SOX15: variants seen among roughly 807,000 people sequenced by gnomAD.
SOX15 encodes the protein transcription factor SOX-15.
Under a neutral mutation model 15.9 loss-of-function variants are expected in SOX15, and 12 were observed. That is an observed-to-expected ratio of 0.75 (90% CI 0.48 to 1.22). SOX15 has a LOEUF of 1.22. Ranked by LOEUF, SOX15 falls within the 50% of genes most tolerant of loss-of-function variation. The probability of loss-of-function intolerance (pLI) is 0.00; values close to 1 mark genes in which losing one functional copy is unlikely to be tolerated. For missense variants in SOX15, 309 were observed against 313.9 expected, an observed-to-expected ratio of 0.98 and a Z score of 0.12; for synonymous variants, 149 against 142.8, an observed-to-expected ratio of 1.04 and a Z score of -0.31.
chr17:7,588,577 C>T, intron 1 of SOX15, 31 bp from the exon 2 acceptor site: 1 of 1,609,780 alleles, frequency 6.2e-7, no homozygotes, highest in Non-Finnish European at 8.5e-7. Context: ...TTAGAGGGCA[C>T]TTCCCTGGGT....
rs1567745732 is a variant in SOX15 at position 7,589,443 on chromosome 17, C to G, written c.234G>C (p.Glu78Asp). The G allele has an allele frequency of 6.2e-7, 1 of 1,613,936 alleles. No homozygotes were observed. Among genetic ancestry groups the G allele is most frequent in the Non-Finnish European group, 8.5e-7 (1 of 1,179,930 alleles). Residue 78 changes from glutamate (E) to aspartate (D), a missense_variant, in exon 1 of 2, where the codon GAG becomes GAC. Physicochemically the swap from Glu to Asp is conservative, Grantham distance 45 (BLOSUM62 2). Coordinates refer to ENST00000250055, the MANE Select transcript of SOX15 (RefSeq NM_006942.2). ...AQQNPKMHNS[E>D]ISKRLGAQWK... is the part of the protein sequence containing the mutation. Reference sequence around the variant, plus strand: ...ACTGCGCGCCCAGGCGCTTGGAGATCTCGGAGTTGTGCATCTTGGGGTTCT... The same window carrying G: ...ACTGCGCGCCCAGGCGCTTGGAGATGTCGGAGTTGTGCATCTTGGGGTTCT...
rs372467275 is a variant in SOX15 at position 7,589,521 on chromosome 17, C to T, written c.156G>A (p.Pro52=). 6.2e-7 allele frequency: 1 copy of T among 1,611,512 alleles called. No homozygotes were observed. The highest frequency in any genetic ancestry group is 1.1e-5 in the South Asian group (1 of 90,904). The change falls in exon 1 of 2, where the codon CCG becomes CCA. Residue 52 remains proline, a synonymous_variant. Coordinates refer to ENST00000250055, the MANE Select transcript of SOX15 (RefSeq NM_006942.2). ...AGCTCCACACCATGAACGCGTTCAT[C>T]GGCCGCTTCACCTTCTCCAGGGGCA... ...GTLPLEKVKR[P]MNAFMVWSSA... is the part of the protein sequence containing the mutation.
chr17:7,589,305 G>A lies in SOX15; in HGVS notation c.372C>T (p.Ala124=), dbSNP rs1197253170. The A allele has an allele frequency of 6.3e-7, 1 of 1,595,432 alleles. No homozygotes were observed. Among genetic ancestry groups the A allele is most frequent in the East Asian group, 2.3e-5 (1 of 43,878 alleles). The change falls in exon 1 of 2, where the codon GCC becomes GCT. Residue 124 remains alanine (A), a synonymous_variant. Coordinates refer to ENST00000250055, the MANE Select transcript of SOX15 (RefSeq NM_006942.2). The part of the protein sequence containing the change: ...PDYKYRPRRK[A]KSSGAGPSRC... ...GGGAAGGTCCGGCGCCCGAGCTCTT[G>A]GCCTTGCGCCGAGGCCGGTACTTGT...
chr17:7,588,482 G>C lies in SOX15; in HGVS notation c.598C>G (p.Gln200Glu). 8 of 1,613,818 alleles carry C rather than the reference G, an allele frequency of 5.0e-6. No individual in the cohort carries two copies. Among genetic ancestry groups the C allele is most frequent in the Non-Finnish European group, 5.9e-6 (7 of 1,179,838 alleles). The change falls in exon 2 of 2, where the codon CAG becomes GAG. Residue 200 changes from glutamine to glutamate, a missense_variant. By Grantham distance (29) the Gln-to-Glu change is conservative. Coordinates refer to ENST00000250055, the MANE Select transcript of SOX15 (RefSeq NM_006942.2). The part of the protein sequence containing the change: ...CSLPQSDPRL[Q>E]GELLPTYTHY... ...GTATAGGTGGGCAGCAGTTCCCCCT[G>C]GAGCCTAGGGTCACTCTGAGGGAGG...
chr17:7,589,770 T>G lies in SOX15; in HGVS notation c.-94A>C. 7 of 1,186,934 alleles carry G rather than the reference T, an allele frequency of 5.9e-6. No individual in the cohort carries two copies. The highest frequency in any genetic ancestry group is 6.9e-6 in the Non-Finnish European group (6 of 869,320). 73.5% of individuals were successfully genotyped at this position (1,186,934 alleles called of 1,614,324 possible). ...ATGGAAAGGTCTTCCCAGTCTGGAG[T>G]CGTTGCCGAGGAACTTGGGTCCTTA... On this transcript the variant is annotated 5_prime_UTR_variant, in exon 1 of 2. Transcript: ENST00000250055.
In SOX15 at chr17:7,588,288, G is replaced by A. The variant is rs773540461; in HGVS notation, c.*90C>T. On this transcript the variant is annotated 3_prime_UTR_variant, in exon 2 of 2. Coordinates refer to ENST00000250055, the MANE Select transcript of SOX15 (RefSeq NM_006942.2). ...GCTGCCTCTGAACTGTAGTCCAACA[G>A]GAGAAAGGGTTGACAGCCTGGGGTA... 1 of 1,311,406 alleles carries A rather than the reference G, an allele frequency of 7.6e-7. No homozygotes were observed. The highest frequency in any genetic ancestry group is 2.3e-5 in the East Asian group (1 of 43,522). The allele number at this position is 1,311,406 out of a possible 1,614,324, so 81.2% of individuals were successfully genotyped here.
chr17:7,588,920 A>G lies in SOX15; in HGVS notation c.533+224T>C, dbSNP rs552933407. Reference sequence around the variant, plus strand: ...ATCCAGGGGTCAGTCACCTGACCCTACAGGGCCCACCACCTTCAGACTGAG... The same window carrying G: ...ATCCAGGGGTCAGTCACCTGACCCTGCAGGGCCCACCACCTTCAGACTGAG... On this transcript the variant is annotated intron_variant, in intron 1 of 1. Transcript: ENST00000250055. 5 of 591,106 alleles carry G rather than the reference A, an allele frequency of 8.5e-6. No homozygotes were observed. In the East Asian group the frequency reaches 8.6e-5, roughly 10 times the overall value. The allele number at this position is 591,106 out of a possible 1,614,324, so 36.6% of individuals were successfully genotyped here. A position where few individuals can be genotyped will look rare whatever the true frequency, so the allele number is the denominator to read the frequency against.
Position 7,589,172 on chromosome 17 carries a change from A to G in SOX15, c.505T>C (p.Ser169Pro). 1 of 1,510,168 alleles carries G rather than the reference A, an allele frequency of 6.6e-7. No homozygotes were observed. The allele number at this position is 1,510,168 out of a possible 1,614,324, so 93.5% of individuals were successfully genotyped here. A position where few individuals can be genotyped will look rare whatever the true frequency, so the allele number is the denominator to read the frequency against. The change falls in exon 1 of 2, where the codon TCG (serine) becomes CCG (proline). Residue 169 changes from serine to proline, a missense_variant. By Grantham distance (74) the Ser-to-Pro change is moderately conservative. Transcript: ENST00000250055. ...RGFGYRPPSY[S>P]TAYLPGSYGS... The stretch of plus-strand genomic sequence containing the variant: ...TAGCTGCCAGGCAGGTAGGCTGTCG[A>G]GTAGCTGGGGGGTCTGTACCCAAAG...
At position 7,589,686 on chromosome 17, in the gene SOX15, G is replaced by C; in HGVS notation, c.-10C>G. On this transcript the variant is annotated 5_prime_UTR_variant, in exon 1 of 2. Coordinates refer to ENST00000250055, the MANE Select transcript of SOX15 (RefSeq NM_006942.2). ...AGCCTGGTAGCGCCATGGGTTGGGA[G>C]AAGCCTTAAGAGGGCGTCCTGAATG... The C allele has an allele frequency of 6.5e-7, 1 of 1,530,368 alleles. No individual in the cohort carries two copies. The highest frequency in any genetic ancestry group is 8.7e-7 in the Non-Finnish European group (1 of 1,144,082). 94.8% of individuals were successfully genotyped at this position (1,530,368 alleles called of 1,614,324 possible).
In SOX15 at chr17:7,589,596, C is replaced by A. The variant is rs568942272; in HGVS notation, c.81G>T (p.Ser27=). ...PAATAAASSS[S]GPQEREGAGS... is the part of the protein sequence containing the mutation. ...CAGCGCCCTCCCGCTCCTGGGGTCC[C>A]GAAGATGAGGAGGCAGCAGCCGTGG... The change falls in exon 1 of 2, where the codon TCG becomes TCT. Residue 27 remains serine, a synonymous_variant. Transcript: ENST00000250055. 6.4e-7 allele frequency: 1 copy of A among 1,568,692 alleles called. No homozygotes were observed. Among genetic ancestry groups the A allele is most frequent in the East Asian group, 2.4e-5 (1 of 42,500 alleles).
rs2071633698 is a variant in SOX15 at position 7,589,459 on chromosome 17, T to C, written c.218A>G (p.Lys73Arg). The C allele has an allele frequency of 6.2e-7, 1 of 1,613,778 alleles. No homozygotes were observed. The highest frequency in any genetic ancestry group is 1.7e-5 in the Admixed American group (1 of 60,008). ...CTTGGAGATCTCGGAGTTGTGCATC[T>C]TGGGGTTCTGCTGCGCCATCTGGCG... is the stretch of plus-strand genomic sequence containing the variant. ...QRRQMAQQNP[K>R]MHNSEISKRL... Residue 73 changes from lysine (K) to arginine (R), a missense_variant, in exon 1 of 2, where the codon AAG becomes AGG. By Grantham distance (26) the Lys-to-Arg change is conservative. Transcript: ENST00000250055.
chr17:7,589,161 G>A lies in SOX15; in HGVS notation c.516C>T (p.Tyr172=). ...GCACTCACCCATAGCTGCCAGGCAG[G>A]TAGGCTGTCGAGTAGCTGGGGGGTC... is the stretch of plus-strand genomic sequence containing the variant. ...GYRPPSYSTA[Y]LPGSYGSSHC... Residue 172 remains tyrosine (Y), a synonymous_variant, in exon 1 of 2, where the codon TAC becomes TAT. Transcript: ENST00000250055. 2.0e-6 allele frequency: 3 copies of A among 1,501,440 alleles called. No individual in the cohort carries two copies. Among genetic ancestry groups the A allele is most frequent in the Non-Finnish European group, 2.7e-6 (3 of 1,119,418 alleles). The allele number at this position is 1,501,440 out of a possible 1,614,324, so 93.0% of individuals were successfully genotyped here. A position where few individuals can be genotyped will look rare whatever the true frequency, so the allele number is the denominator to read the frequency against.
rs757771831 is a variant in SOX15 at position 7,588,248 on chromosome 17, A to G, written c.*130T>C. ...TGTTGTGCGGCTCTCCCTGGCTATCATGGGAGGACTGCAGGCTGCCTCTGA... is the reference window on the plus strand; with the variant it reads ...TGTTGTGCGGCTCTCCCTGGCTATCGTGGGAGGACTGCAGGCTGCCTCTGA... On this transcript the variant is annotated 3_prime_UTR_variant, in exon 2 of 2. Coordinates refer to ENST00000250055, the MANE Select transcript of SOX15 (RefSeq NM_006942.2). 5 of 890,288 alleles carry G rather than the reference A, an allele frequency of 5.6e-6. No individual in the cohort carries two copies. The South Asian group carries it at 6.6e-5, about 12-fold the overall frequency. The allele number at this position is 890,288 out of a possible 1,614,324, so 55.1% of individuals were successfully genotyped here.
At position 7,589,690 on chromosome 17, in the gene SOX15, C is replaced by G. The variant is rs2071637064; in HGVS notation, c.-14G>C. ...TGGTAGCGCCATGGGTTGGGAGAAG[C>G]CTTAAGAGGGCGTCCTGAATGCCCT... is the stretch of plus-strand genomic sequence containing the variant. On this transcript the variant is annotated 5_prime_UTR_variant, in exon 1 of 2. Coordinates refer to ENST00000250055, the MANE Select transcript of SOX15 (RefSeq NM_006942.2). 2.6e-6 allele frequency: 4 copies of G among 1,521,276 alleles called. No homozygotes were observed. In the East Asian group the frequency reaches 7.4e-5, roughly 28 times the overall value. The allele number at this position is 1,521,276 out of a possible 1,614,324, so 94.2% of individuals were successfully genotyped here.
chr17:7,590,076 T>C lies in SOX15; in HGVS notation c.-400A>G, dbSNP rs575608457. ...GCGGATAGGCCAGACCTCTCCCACC[T>C]GGGCTCAGCGTTTGTGGCAGGCGGG... On this transcript the variant is annotated 5_prime_UTR_variant, in exon 1 of 2. Transcript: ENST00000250055. The C allele has an allele frequency of 6.1e-4, 117 of 192,960 alleles. No homozygotes were observed. Among genetic ancestry groups the C allele is most frequent in the South Asian group, 1.0e-3 (9 of 8,862 alleles). The allele number at this position is 192,960 out of a possible 1,614,324, so 12.0% of individuals were successfully genotyped here. A position where few individuals can be genotyped will look rare whatever the true frequency, so the allele number is the denominator to read the frequency against.
chr17:7,588,335 AAGG>A lies in SOX15; in HGVS notation c.*40_*42del. 1.3e-6 allele frequency: 2 copies of A among 1,597,124 alleles called. No homozygotes were observed. On this transcript the variant is annotated 3_prime_UTR_variant, in exon 2 of 2. Transcript: ENST00000250055. ...GGTAGGGGATGCTGCTGGATTAAAA[AAGG>A]AGGATGAGGCCCGTCCCGTGAGGTC...
chr17:7,589,212 G>A lies in SOX15; in HGVS notation c.465C>T (p.Thr155=), dbSNP rs1004065561. The A allele has an allele frequency of 3.9e-6, 6 of 1,540,356 alleles. No individual in the cohort carries two copies. Among genetic ancestry groups the A allele is most frequent in the Non-Finnish European group, 4.4e-6 (5 of 1,141,440 alleles). Residue 155 remains threonine, a synonymous_variant, in exon 1 of 2, where the codon ACC becomes ACT. Coordinates refer to ENST00000250055, the MANE Select transcript of SOX15 (RefSeq NM_006942.2). ...TGTACCCAAAGCCTCTGCTCGGTTG[G>A]GTGGTCGCGTACCCCGGCCCCCAGA... ...GPLWGPGYAT[T]QPSRGFGYRP...
Position 7,588,352 on chromosome 17 carries a change from T to C in SOX15, c.*26A>G, listed in dbSNP as rs746697063. 1.4e-5 allele frequency: 23 copies of C among 1,610,558 alleles called. No homozygotes were observed. Among genetic ancestry groups the C allele is most frequent in the Non-Finnish European group, 2.0e-5 (23 of 1,177,140 alleles). On this transcript the variant is annotated 3_prime_UTR_variant, in exon 2 of 2. Coordinates refer to ENST00000250055, the MANE Select transcript of SOX15 (RefSeq NM_006942.2). Reference sequence around the variant, plus strand: ...GATTAAAAAAGGAGGATGAGGCCCGTCCCGTGAGGTCTGCGTCCATGAGGG... The same window carrying C: ...GATTAAAAAAGGAGGATGAGGCCCGCCCCGTGAGGTCTGCGTCCATGAGGG...
rs777615121 is a variant in SOX15 at position 7,588,538 on chromosome 17, T to A, written c.542A>T (p.His181Leu). 51 of 1,612,774 alleles carry A rather than the reference T, an allele frequency of 3.2e-5. No individual in the cohort carries two copies. The highest frequency in any genetic ancestry group is 4.3e-5 in the Non-Finnish European group (51 of 1,179,904). ...AYLPGSYGSS[H>L]CKLEAPSPCS... ...CGGTGAGGGGGCTTCCAGTTTGCAG[T>A]GGGAAGAGCTGCAGAGAGAAACAAG... is the stretch of plus-strand genomic sequence containing the variant. The change falls in exon 2 of 2, where the codon CAC becomes CTC. Residue 181 changes from histidine (H) to leucine (L), a missense_variant. His to Leu is a moderately conservative substitution (Grantham distance 99). Coordinates refer to ENST00000250055, the MANE Select transcript of SOX15 (RefSeq NM_006942.2).
Sources: allele counts gnomAD v4.1 joint callset, GRCh38; gene constraint gnomAD v4.1.1; transcripts MANE v1.5; gene names NCBI Gene and HGNC (gene_info 2026-07-23, HGNC 2026-07-21).